The following KCNIP4 variants were observed in gnomAD, a reference collection of about 807,000 sequenced individuals.
KCNIP4 encodes the protein potassium voltage-gated channel interacting protein 4, also known as Kv channel-interacting protein 4.
In KCNIP4, 12 loss-of-function variants were observed where a neutral mutation model predicts 34.0. That is an observed-to-expected ratio of 0.35 (90% CI 0.23 to 0.57). The LOEUF (loss-of-function observed/expected upper bound fraction) is 0.57. KCNIP4 is among the 20% of genes least tolerant of loss of function. The pLI is 0.83. For synonymous variants in KCNIP4, 124 were observed against 102.2 expected (o/e 1.21, Z -1.29); for missense variants, 238 against 311.7 (o/e 0.76, Z 1.78).
At position 21,545,207 on chromosome 4, in the gene KCNIP4, A is replaced by C. The variant is rs141020378; in HGVS notation, c.61+403364T>G. Among the ~76,000 whole-genome samples the C allele has an allele frequency of 1.0e-3, 153 of 152,214 alleles. 3 individuals are homozygous for C. The highest frequency in any genetic ancestry group is 3.5e-3 in the African/African-American group (144 of 41,526). Reference sequence around the variant, plus strand: ...CATGACAATGTCAGGAAGTTACCCTACATGGTCTAAAAAGGGGAGGAACAC... The same window carrying C: ...CATGACAATGTCAGGAAGTTACCCTCCATGGTCTAAAAAGGGGAGGAACAC... On this transcript the variant is annotated intron_variant, in intron 1 of 8. Coordinates refer to ENST00000382152, the MANE Select transcript of KCNIP4 (RefSeq NM_025221.6).
At chr4:21,621,252 A>G (rs959579214) in intron 1 of KCNIP4, among the ~76,000 whole-genome samples, 3 of 152,226 alleles carry the variant, frequency 2.0e-5, no homozygotes, top group Non-Finnish European at 4.4e-5. Flanking sequence ...TCAGTCTGCC[A>G]CACCTAAATA....
At chr4:20,919,595 C>G (rs1165863224) in intron 1 of KCNIP4, among the ~76,000 whole-genome samples, 6 of 149,460 alleles carry the variant, frequency 4.0e-5, no homozygotes, top group Admixed American at 2.7e-4. Flanking sequence ...CCCAGCAACT[C>G]AGGAGGCTGA....
chr4:21,461,600 G>GA (rs1313677547), intron 1 of KCNIP4, among the ~76,000 whole-genome samples: 4 of 151,910 alleles, frequency 2.6e-5, no homozygotes, highest in Non-Finnish European at 4.4e-5. Context: ...TCCAAAGGTA[G>GA]AAAAAAATCT....
Position 20,734,730 on chromosome 4 carries a change from G to A in KCNIP4, c.435C>T (p.Phe145=), listed in dbSNP as rs377521011. 95 of 1,534,356 alleles carry A rather than the reference G, an allele frequency of 6.2e-5. No individual in the cohort carries two copies. The Middle Eastern group carries it at 1.7e-3, about 28-fold the overall frequency. The change falls in exon 6 of 9, where the codon TTC becomes TTT. Residue 145 remains phenylalanine, a synonymous_variant. Transcript: ENST00000382152. ...DHNGAVSFED[F]IKGLSILLRG... ...GGAGCAAAATGGAAAGACCTTTGAT[G>A]AAATCCTGAAAAGAAATAAAAATTC...
chr4:21,374,109 A>T (rs1350852374), intron 1 of KCNIP4, among the ~76,000 whole-genome samples: 1 of 147,554 alleles, frequency 6.8e-6, no homozygotes, highest in Non-Finnish European at 1.5e-5. Context: ...TAGAGAAAGG[A>T]TTGCTACATC....
chr4:21,748,789 T>C (rs980434356), intron 1 of KCNIP4, among the ~76,000 whole-genome samples: 1 of 152,086 alleles, frequency 6.6e-6, no homozygotes, highest in African/African-American at 2.4e-5. Flanking sequence ...GTAAGGCAGC[T>C]TTTTAGTGTT....
At chr4:21,633,615 T>C (rs929693762) in intron 1 of KCNIP4, among the ~76,000 whole-genome samples, 1 of 152,114 alleles carries the variant, frequency 6.6e-6, no homozygotes, top group Non-Finnish European at 1.5e-5. Context: ...CTACAGGTTA[T>C]CCTACCTTAT....
At chr4:21,188,690 C>CTTTATGTCT (rs1384363155) in intron 1 of KCNIP4, among the ~76,000 whole-genome samples, 4 of 152,100 alleles carry the variant, frequency 2.6e-5, no homozygotes, top group Non-Finnish European at 5.9e-5. Flanking sequence ...ATCTGGATTT[C>CTTTATGTCT]TTTATGTCTT....
intron 1 of KCNIP4, among the ~76,000 whole-genome samples, chr4:21,468,786 T>C (rs1186905864): frequency 2.6e-5 from 4 of 152,206 alleles, no homozygotes; most frequent in African/African-American, 9.6e-5. Flanking sequence ...TAACTCCACC[T>C]TAAAGCAAAA....
At chr4:21,733,124 CT>C (rs1451352811) in intron 1 of KCNIP4, among the ~76,000 whole-genome samples, 1 of 152,098 alleles carries the variant, frequency 6.6e-6, no homozygotes, top group Non-Finnish European at 1.5e-5. Context: ...ATGATTTTAT[CT>C]GCTACGTCTT....
At chr4:21,057,050 T>A (rs1743469660) in intron 1 of KCNIP4, among the ~76,000 whole-genome samples, 1 of 152,140 alleles carries the variant, frequency 6.6e-6, no homozygotes. Context: ...ACAGTGTGGA[T>A]GCTATTGTTG....
intron 1 of KCNIP4, among the ~76,000 whole-genome samples, chr4:21,077,175 G>C (rs902912680): frequency 6.6e-6 from 1 of 151,822 alleles, no homozygotes; most frequent in South Asian, 2.1e-4. Flanking sequence ...ATTAAAAAAA[G>C]TATTGAGGTT....
At chr4:20,809,420 G>A (rs542054681) in intron 3 of KCNIP4, among the ~76,000 whole-genome samples, 7 of 152,190 alleles carry the variant, frequency 4.6e-5, no homozygotes, top group East Asian at 1.9e-4. Flanking sequence ...TTCAGACTCC[G>A]AGAGGTCATA....
At chr4:21,217,619 A>G (rs1577904244) in intron 1 of KCNIP4, among the ~76,000 whole-genome samples, 1 of 152,196 alleles carries the variant, frequency 6.6e-6, no homozygotes, top group African/African-American at 2.4e-5. Context: ...AAGGAAGATT[A>G]AAAGATGAGT....
intron 1 of KCNIP4, among the ~76,000 whole-genome samples, chr4:21,557,151 T>C (rs1739132944): frequency 6.6e-6 from 1 of 152,086 alleles, no homozygotes; most frequent in Non-Finnish European, 1.5e-5. Flanking sequence ...CTGTTTTATC[T>C]GTTTTCTCTT....
At position 21,556,922 on chromosome 4, in the gene KCNIP4, G is replaced by GAAA. The variant is rs1253971751; in HGVS notation, c.61+391646_61+391648dup. 4.9e-3 allele frequency among the ~76,000 whole-genome samples: 344 copies of GAAA among 70,708 alleles called. 8 individuals carry two copies. Among genetic ancestry groups the GAAA allele is most frequent in the Non-Finnish European group, 6.5e-3 (246 of 37,600 alleles). The allele number at this position is 70,708 out of a possible 152,430, so 46.4% of individuals were successfully genotyped here. On this transcript the variant is annotated intron_variant, in intron 1 of 8. Transcript: ENST00000382152. ...ATCAACAAAGCAAGACTCCATCTCA[G>GAAA]AAAAAAAAAAAAAAAAAAAAACCAG...
chr4:21,130,796 A>C (rs975628590), intron 1 of KCNIP4, among the ~76,000 whole-genome samples: 3 of 152,192 alleles, frequency 2.0e-5, no homozygotes, highest in African/African-American at 7.2e-5. Context: ...ATATATTATG[A>C]CTCAGCAATT....
At chr4:21,706,544 A>G (rs1713279303) in intron 1 of KCNIP4, among the ~76,000 whole-genome samples, 1 of 152,192 alleles carries the variant, frequency 6.6e-6, no homozygotes, top group African/African-American at 2.4e-5. Context: ...CTTTTAGAGA[A>G]GGCCAAAGTC....
At chr4:21,937,550 G>A (rs545624026) in intron 1 of KCNIP4, among the ~76,000 whole-genome samples, 60 of 152,002 alleles carry the variant, frequency 3.9e-4, no homozygotes, top group Non-Finnish European at 6.8e-4. Flanking sequence ...TTGAATCTCA[G>A]TATCATGTTC....
Sources: allele counts gnomAD v4.1 joint callset (sites outside exome capture counted in the v4.1 genomes callset), GRCh38; gene constraint gnomAD v4.1.1; transcripts MANE v1.5; gene names NCBI Gene and HGNC (gene_info 2026-07-23, HGNC 2026-07-21).